NKAIN2: variants seen among roughly 807,000 people sequenced by gnomAD.
NKAIN2 encodes the protein sodium/potassium transporting ATPase interacting 2, also known as sodium/potassium-transporting ATPase subunit beta-1-interacting protein 2.
NKAIN2 carries 14 observed loss-of-function variants against 32.6 expected under a neutral mutation model. That is an observed-to-expected ratio of 0.43 (90% confidence interval 0.28 to 0.67). NKAIN2 has a LOEUF of 0.67. NKAIN2 is among the 30% of genes least tolerant of loss of function. The pLI is 0.17. For missense variants in NKAIN2, 198 were observed against 258.3 expected, an observed-to-expected ratio of 0.77 and a Z score of 1.60; for synonymous variants, 80 against 87.2, an observed-to-expected ratio of 0.92 and a Z score of 0.46.
intron 1 of NKAIN2, among the ~76,000 whole-genome samples, chr6:124,048,552 A>T (rs1782252082): frequency 2.6e-5 from 4 of 152,026 alleles, no homozygotes; most frequent in Admixed American, 2.6e-4. Flanking sequence ...GTATCAGTAA[A>T]CATTCCTTCC....
chr6:123,941,297 G>T (rs747945073), intron 1 of NKAIN2, among the ~76,000 whole-genome samples: 22 of 151,544 alleles, frequency 1.5e-4, no homozygotes, highest in African/African-American at 3.1e-4. Flanking sequence ...TTAGTGGAAG[G>T]GGTACACTCT....
At chr6:123,804,289 T>C (rs1357854307) in intron 1 of NKAIN2, 35 bp downstream of exon 1, 1 of 1,573,798 alleles carries the variant, frequency 6.4e-7, no homozygotes, top group Admixed American at 1.7e-5. Flanking sequence ...TTCTGTAATG[T>C]GTCTTTGAGA....
At chr6:124,230,184 C>T (rs557828396) in intron 1 of NKAIN2, among the ~76,000 whole-genome samples, 1 of 152,180 alleles carries the variant, frequency 6.6e-6, no homozygotes, top group South Asian at 2.1e-4. Context: ...TATGTTTTAG[C>T]AAAGAGACTG....
intron 4 of NKAIN2, among the ~76,000 whole-genome samples, chr6:124,790,570 T>C (rs1049594565): frequency 6.6e-6 from 1 of 152,126 alleles, no homozygotes. Context: ...ATTATCCAGA[T>C]ATTATATTTG....
chr6:124,573,697 G>A (rs1216988959), intron 3 of NKAIN2, among the ~76,000 whole-genome samples: 1 of 151,818 alleles, frequency 6.6e-6, no homozygotes, highest in Non-Finnish European at 1.5e-5. Context: ...CTGAAGCCAG[G>A]CATAATATGT....
At chr6:124,794,431 C>T (rs1779907984) in intron 5 of NKAIN2, among the ~76,000 whole-genome samples, 1 of 152,116 alleles carries the variant, frequency 6.6e-6, no homozygotes, top group Non-Finnish European at 1.5e-5. Context: ...AGTTATCTCT[C>T]AATCATCTAA....
intron 1 of NKAIN2, among the ~76,000 whole-genome samples, chr6:124,185,220 A>T (rs183283280): frequency 2.0e-4 from 30 of 152,230 alleles, no homozygotes; most frequent in Non-Finnish European, 4.3e-4. Context: ...ATATATTATT[A>T]TCGTACAGTA....
intron 3 of NKAIN2, among the ~76,000 whole-genome samples, chr6:124,413,106 G>A (rs539635994): frequency 3.9e-5 from 6 of 152,208 alleles, no homozygotes. Context: ...GGAATTCCCT[G>A]ACCCCTTGCA....
chr6:123,819,741 A>T (rs939403618), intron 1 of NKAIN2, among the ~76,000 whole-genome samples: 5 of 152,166 alleles, frequency 3.3e-5, no homozygotes, highest in African/African-American at 1.2e-4. Flanking sequence ...TGTTAAAGGG[A>T]CACCAGTGAG....
At chr6:123,968,586 T>G (rs1778197110) in intron 1 of NKAIN2, among the ~76,000 whole-genome samples, 1 of 152,164 alleles carries the variant, frequency 6.6e-6, no homozygotes, top group Admixed American at 6.5e-5. Context: ...GCCTGTACAA[T>G]GGGATCCTAG....
At chr6:124,620,265 GTA>G (rs888354175) in intron 3 of NKAIN2, among the ~76,000 whole-genome samples, 109 of 152,142 alleles carry the variant, frequency 7.2e-4, no homozygotes, top group African/African-American at 2.5e-3. Flanking sequence ...CACATACAGG[GTA>G]ATCTTATTTT....
In NKAIN2 at chr6:124,461,653, T is replaced by C. The variant is rs146620464; in HGVS notation, c.273+106306T>C. On this transcript the variant is annotated intron_variant, in intron 3 of 6. Transcript: ENST00000368417. ...AGAATAATAAAAAGCAATGCTATTA[T>C]CATCAAAACCATTGAGAATGCCTTT... Among the ~76,000 whole-genome samples the C allele has an allele frequency of 6.6e-3, 1,003 of 151,954 alleles. 6 individuals carry two copies. Among genetic ancestry groups the C allele is most frequent in the Non-Finnish European group, 0.011 (742 of 67,826 alleles).
At chr6:124,177,305 G>A (rs1273335669) in intron 1 of NKAIN2, among the ~76,000 whole-genome samples, 1 of 152,134 alleles carries the variant, frequency 6.6e-6, no homozygotes, top group Non-Finnish European at 1.5e-5. Context: ...TACTTTATAA[G>A]GGGAAAACAG....
chr6:123,903,840 C>G (rs1311889147), intron 1 of NKAIN2, among the ~76,000 whole-genome samples: 2 of 152,050 alleles, frequency 1.3e-5, no homozygotes, highest in Non-Finnish European at 2.9e-5. Flanking sequence ...GATGAAAACC[C>G]TTGCCTTGAA....
At chr6:124,731,562 G>T (rs569847672) in intron 4 of NKAIN2, among the ~76,000 whole-genome samples, 21 of 119,224 alleles carry the variant, frequency 1.8e-4, no homozygotes, top group African/African-American at 6.3e-4. Context: ...ACTGTTGTGG[G>T]GTGGGGGGAG....
intron 1 of NKAIN2, among the ~76,000 whole-genome samples, chr6:124,052,424 A>T (rs931688506): frequency 6.6e-6 from 1 of 151,974 alleles, no homozygotes; most frequent in Non-Finnish European, 1.5e-5. Flanking sequence ...TATTTTCACT[A>T]ACCTCTTCCT....
At chr6:124,101,831 C>T (rs1458307051) in intron 1 of NKAIN2, among the ~76,000 whole-genome samples, 3 of 152,110 alleles carry the variant, frequency 2.0e-5, no homozygotes, top group African/African-American at 7.2e-5. Context: ...AGCACAGAAA[C>T]CTGCTCAGTG....
intron 3 of NKAIN2, among the ~76,000 whole-genome samples, chr6:124,416,106 G>A (rs532399921): frequency 6.6e-6 from 1 of 151,808 alleles, no homozygotes; most frequent in East Asian, 1.9e-4. Context: ...AAGACCTCTG[G>A]ACATAATACA....
chr6:123,887,290 A>G (rs569239809), intron 1 of NKAIN2, among the ~76,000 whole-genome samples: 1 of 152,246 alleles, frequency 6.6e-6, no homozygotes, highest in East Asian at 1.9e-4. Flanking sequence ...CACGAGGTCT[A>G]CACTCAGATA....
Sources: gnomAD v4.1 joint callset for allele counts (sites outside exome capture counted in the v4.1 genomes callset) on GRCh38, gnomAD v4.1.1 for gene constraint, MANE v1.5 for transcripts, NCBI Gene and HGNC (gene_info 2026-07-23, HGNC 2026-07-21) for gene names.